GLRA3: variants seen among roughly 807,000 people sequenced by gnomAD.
The protein encoded by GLRA3 is glycine receptor subunit alpha-3.
GLRA3 carries 44 observed loss-of-function variants against 60.4 expected under a neutral mutation model. The observed-to-expected ratio is 0.73, with a 90% confidence interval of 0.57 to 0.94. The LOEUF (loss-of-function observed/expected upper bound fraction) is 0.94. Among genes scored for constraint, GLRA3 ranks in the 40% least tolerant of loss-of-function variants. GLRA3 has a pLI of 0.00. For missense variants in GLRA3, 508 were observed against 564.6 expected, an observed-to-expected ratio of 0.90 and a Z score of 1.02; for synonymous variants, 223 against 192.9, an observed-to-expected ratio of 1.16 and a Z score of -1.29.
intron 1 of GLRA3, 122 bp from the exon 2 acceptor site, chr4:174,789,065 A>C (rs1739229555): frequency 1.7e-6 from 1 of 579,552 alleles, no homozygotes; most frequent in East Asian, 3.0e-5. Context: ...AAACCTTTAG[A>C]TATCATACAG....
chr4:174,722,759 T>C (rs1379975462), intron 4 of GLRA3: 1 of 166,710 alleles, frequency 6.0e-6, no homozygotes, highest in Non-Finnish European at 1.5e-5. Flanking sequence ...GCCAGATCTC[T>C]CATGAAACAT....
At chr4:174,715,732 T>C (rs1579495333) in intron 4 of GLRA3, among the ~76,000 whole-genome samples, 162 bp from the exon 5 acceptor site, 1 of 152,318 alleles carries the variant, frequency 6.6e-6, no homozygotes, top group East Asian at 1.9e-4. Context: ...TATGCCCTTA[T>C]ATACAAATCT....
chr4:174,745,962 G>A (rs76565508), intron 3 of GLRA3, among the ~76,000 whole-genome samples: 2,557 of 152,194 alleles, frequency 0.017, 75 homozygotes, highest in African/African-American at 0.058. Context: ...TCTTATGCCA[G>A]TTAGAATGGC....
chr4:174,644,216 T>G, intron 9 of GLRA3, 152 bp from the exon 10 acceptor site: 1 of 587,460 alleles, frequency 1.7e-6, no homozygotes, highest in South Asian at 2.5e-5. Context: ...TTGGTTTTTA[T>G]TCCCTATTGA....
intron 5 of GLRA3, among the ~76,000 whole-genome samples, chr4:174,708,531 A>G (rs1735594525): frequency 1.3e-5 from 2 of 151,566 alleles, no homozygotes. Flanking sequence ...TTTTTGGCAG[A>G]CAATACTTCT....
intron 7 of GLRA3, among the ~76,000 whole-genome samples, chr4:174,668,667 T>G (rs1733776162): frequency 6.6e-6 from 1 of 152,190 alleles, no homozygotes; most frequent in African/African-American, 2.4e-5. Context: ...CAGCATAGTT[T>G]AAACTTAAGA....
chr4:174,791,223 G>A (rs926614836), intron 1 of GLRA3, among the ~76,000 whole-genome samples: 1 of 152,126 alleles, frequency 6.6e-6, no homozygotes, highest in Non-Finnish European at 1.5e-5. Flanking sequence ...ACAGACAGAA[G>A]AGGGAAGGCA....
At chr4:174,784,490 AAC>A (rs948597272) in intron 2 of GLRA3, among the ~76,000 whole-genome samples, 23 of 145,716 alleles carry the variant, frequency 1.6e-4, no homozygotes, top group East Asian at 1.5e-3. Flanking sequence ...ACAAAAAAAA[AAC>A]CAAAAACACA....
intron 1 of GLRA3, among the ~76,000 whole-genome samples, chr4:174,828,182 T>C (rs1177643585): frequency 6.6e-6 from 1 of 152,126 alleles, no homozygotes; most frequent in East Asian, 1.9e-4. Flanking sequence ...ATAGAACATA[T>C]CTAATAATCT....
chr4:174,724,698 AG>A (rs1317098560), intron 4 of GLRA3, among the ~76,000 whole-genome samples: 2 of 152,024 alleles, frequency 1.3e-5, no homozygotes, highest in Non-Finnish European at 2.9e-5. Context: ...CATACTTTCC[AG>A]GCAGATTTAC....
intron 1 of GLRA3, among the ~76,000 whole-genome samples, chr4:174,808,111 T>C (rs1408853477): frequency 1.3e-5 from 2 of 151,736 alleles, no homozygotes; most frequent in Admixed American, 6.6e-5. Flanking sequence ...ACATCATAGG[T>C]TTGAGAGTGG....
intron 2 of GLRA3, among the ~76,000 whole-genome samples, chr4:174,788,055 A>G (rs1395050080): frequency 1.3e-5 from 2 of 151,770 alleles, no homozygotes; most frequent in East Asian, 2.0e-4. Context: ...CCATGAAAAA[A>G]GTGTATGTTC....
chr4:174,739,449 ATCT>A (rs1310875577), intron 3 of GLRA3, among the ~76,000 whole-genome samples: 2 of 152,144 alleles, frequency 1.3e-5, no homozygotes, highest in Non-Finnish European at 2.9e-5. Flanking sequence ...CTGGGTAAAG[ATCT>A]TCTCAAGGAT....
chr4:174,820,318 T>G (rs1251448249), intron 1 of GLRA3, among the ~76,000 whole-genome samples: 1 of 152,178 alleles, frequency 6.6e-6, no homozygotes, highest in African/African-American at 2.4e-5. Flanking sequence ...GATAACATAG[T>G]AGTTTTGGTT....
intron 5 of GLRA3, among the ~76,000 whole-genome samples, chr4:174,695,786 G>A (rs901111864): frequency 2.6e-5 from 4 of 151,900 alleles, no homozygotes; most frequent in Admixed American, 1.3e-4. Context: ...ATAGGAAGAG[G>A]GGATGTCAAA....
intron 5 of GLRA3, among the ~76,000 whole-genome samples, chr4:174,696,338 A>G (rs1252034958): frequency 6.6e-6 from 1 of 151,606 alleles, no homozygotes; most frequent in Non-Finnish European, 1.5e-5. Flanking sequence ...ATTGGCATGT[A>G]TAAAGCATAA....
In GLRA3 at chr4:174,722,266, C is replaced by T. The variant is rs192190880; in HGVS notation, c.491+6209G>A. On this transcript the variant is annotated intron_variant, in intron 4 of 9. Transcript: ENST00000274093. ...AAAGAGCCTCTCCAGCATTTTCTGTCCTCTTGCTTCCTGCTTAGTTCAAAA... is the reference window on the plus strand; with the variant it reads ...AAAGAGCCTCTCCAGCATTTTCTGTTCTCTTGCTTCCTGCTTAGTTCAAAA... Among the ~76,000 whole-genome samples, 257 of 152,150 alleles carry T rather than the reference C, an allele frequency of 1.7e-3. 2 individuals carry two copies. The highest frequency in any genetic ancestry group is 5.7e-3 in the African/African-American group (236 of 41,522).
Position 174,818,800 on chromosome 4 carries a change from A to T in GLRA3, c.71+9941T>A, listed in dbSNP as rs536308632. 9.2e-5 allele frequency among the ~76,000 whole-genome samples: 14 copies of T among 152,322 alleles called. No homozygotes were observed. In the South Asian group the frequency reaches 2.7e-3, roughly 29 times the overall value. ...CCATTTATTTGTGCTAGACAGTAGG[A>T]TACAGAAAAAAAGAAAAGTCTCTTG... On this transcript the variant is annotated intron_variant, in intron 1 of 9. Coordinates refer to ENST00000274093, the MANE Select transcript of GLRA3 (RefSeq NM_006529.4).
At chr4:174,722,384 C>T (rs1351818247) in intron 4 of GLRA3, among the ~76,000 whole-genome samples, 5 of 152,144 alleles carry the variant, frequency 3.3e-5, no homozygotes, top group Non-Finnish European at 5.9e-5. Context: ...AATTATACTC[C>T]TCTTAGATCT....
Sources: allele counts gnomAD v4.1 joint callset (sites outside exome capture counted in the v4.1 genomes callset), GRCh38; gene constraint gnomAD v4.1.1; transcripts MANE v1.5; gene names NCBI Gene and HGNC (gene_info 2026-07-23, HGNC 2026-07-21).